The following FOXP2 variants were observed in gnomAD, a reference collection of about 807,000 sequenced individuals.
FOXP2 encodes the protein forkhead box protein P2.
In FOXP2, 12 loss-of-function variants were observed where a neutral mutation model predicts 115.8. The ratio of observed to expected loss-of-function variants is 0.10; its 90% CI spans 0.07 to 0.17. FOXP2 has a LOEUF of 0.17. Ranked by LOEUF, FOXP2 falls within the 10% of genes least tolerant of loss-of-function variation. The pLI is 1.00. For missense variants in FOXP2, 629 were observed against 843.5 expected (o/e 0.75, Z 3.15); for synonymous variants, 328 against 297.7 (o/e 1.10, Z -1.05).
At chr7:114,555,321 CT>C (rs1468228288) in intron 3 of FOXP2, among the ~76,000 whole-genome samples, 12 of 152,216 alleles carry the variant, frequency 7.9e-5, no homozygotes, top group African/African-American at 2.9e-4. Context: ...AACCATGTGC[CT>C]TTTACTCCTT....
chr7:114,126,986 C>A (rs1431534461), intron 1 of FOXP2, among the ~76,000 whole-genome samples: 4 of 152,160 alleles, frequency 2.6e-5, no homozygotes, highest in Non-Finnish European at 5.9e-5. Context: ...ATGGCTAGGA[C>A]CTCAGCCTCA....
intron 3 of FOXP2, among the ~76,000 whole-genome samples, chr7:114,538,059 A>G (rs1341455601): frequency 6.6e-6 from 1 of 151,692 alleles, no homozygotes; most frequent in Non-Finnish European, 1.5e-5. Context: ...ATAGTGATCC[A>G]TAATGAGGAA....
chr7:114,241,659 T>C (rs1023246129), intron 1 of FOXP2, among the ~76,000 whole-genome samples: 2 of 151,896 alleles, frequency 1.3e-5, no homozygotes, highest in African/African-American at 4.8e-5. Flanking sequence ...AACTCAAGGA[T>C]TATGAGAATT....
At chr7:114,372,725 T>A (rs1443419464) in intron 2 of FOXP2, among the ~76,000 whole-genome samples, 1 of 152,094 alleles carries the variant, frequency 6.6e-6, no homozygotes, top group Admixed American at 6.5e-5. Context: ...TTTTTTGGTT[T>A]TTTTGTTTTG....
chr7:114,475,558 G>T (rs1476132359), intron 2 of FOXP2, among the ~76,000 whole-genome samples: 2 of 151,990 alleles, frequency 1.3e-5, no homozygotes, highest in African/African-American at 4.8e-5. Context: ...GACCATAGGA[G>T]AAACTAAACG....
intron 7 of FOXP2, among the ~76,000 whole-genome samples, 182 bp downstream of exon 7, chr7:114,642,805 TA>T (rs1353336391): frequency 0.047 from 1,403 of 29,706 alleles, 26 homozygotes; most frequent in Non-Finnish European, 0.08. Flanking sequence ...TATATATATA[TA>T]TATATATTTT....
intron 1 of FOXP2, among the ~76,000 whole-genome samples, chr7:114,282,119 A>C (rs1373452356): frequency 6.6e-6 from 1 of 152,212 alleles, no homozygotes; most frequent in East Asian, 1.9e-4. Context: ...CAAAGATATT[A>C]GAAGGATAAT....
At chr7:114,688,353 C>T (rs1808485734) in intron 16 of FOXP2, among the ~76,000 whole-genome samples, 1 of 151,000 alleles carries the variant, frequency 6.6e-6, no homozygotes, top group African/African-American at 2.4e-5. Flanking sequence ...AAGGCTAAAG[C>T]AAAACAAAAC....
intron 2 of FOXP2, among the ~76,000 whole-genome samples, chr7:114,332,153 G>A (rs370112498): frequency 1.3e-5 from 2 of 152,134 alleles, no homozygotes; most frequent in Non-Finnish European, 2.9e-5. Context: ...CATGAGTAGG[G>A]GGTAATGTTT....
At chr7:114,482,438 C>G (rs1796599013) in intron 2 of FOXP2, among the ~76,000 whole-genome samples, 1 of 151,444 alleles carries the variant, frequency 6.6e-6, no homozygotes, top group African/African-American at 2.4e-5. Flanking sequence ...TTTTTTAAAT[C>G]AATTTGACCC....
At chr7:114,487,151 C>T (rs551590659) in intron 2 of FOXP2, among the ~76,000 whole-genome samples, 8 of 152,322 alleles carry the variant, frequency 5.3e-5, no homozygotes, top group South Asian at 2.1e-4. Flanking sequence ...CAGAAATTTG[C>T]GTACATCCTC....
chr7:114,411,034 C>G (rs1793150049), upstream of FOXP2, among the ~76,000 whole-genome samples: 1 of 151,886 alleles, frequency 6.6e-6, no homozygotes, highest in African/African-American at 2.4e-5. Context: ...GTGTTTGGGA[C>G]AGGAAGATAA....
intron 3 of FOXP2, among the ~76,000 whole-genome samples, chr7:114,553,768 T>TTTA (rs1253662802): frequency 6.6e-6 from 1 of 152,140 alleles, no homozygotes; most frequent in Non-Finnish European, 1.5e-5. Context: ...TAAAGTTCTG[T>TTTA]TTATTAAATT....
intron 2 of FOXP2, among the ~76,000 whole-genome samples, chr7:114,348,516 T>C (rs1273392695): frequency 6.6e-6 from 1 of 152,060 alleles, no homozygotes; most frequent in Non-Finnish European, 1.5e-5. Flanking sequence ...ATCTTCGTTT[T>C]TCCCAATTTT....
intron 2 of FOXP2, among the ~76,000 whole-genome samples, chr7:114,442,225 A>G (rs1241127550): frequency 6.6e-6 from 1 of 152,164 alleles, no homozygotes; most frequent in African/African-American, 2.4e-5. Context: ...GAGCCCAGCC[A>G]GATATTTTAT....
intron 2 of FOXP2, among the ~76,000 whole-genome samples, chr7:114,369,237 A>G (rs74700478): frequency 9.2e-5 from 14 of 152,300 alleles, no homozygotes; most frequent in East Asian, 3.9e-4. Flanking sequence ...GTCACATTCT[A>G]TTTGTCTAGC....
chr7:114,387,982 A>G (rs888380314), intron 2 of FOXP2, among the ~76,000 whole-genome samples: 3 of 152,146 alleles, frequency 2.0e-5, no homozygotes, highest in Non-Finnish European at 4.4e-5. Context: ...GTTTATCTTA[A>G]GGTTTCAGTC....
upstream of FOXP2, among the ~76,000 whole-genome samples, chr7:114,160,782 C>CTGTGTGTGTGTGTGTG (rs34540150): frequency 1.6e-3 from 229 of 147,358 alleles, no homozygotes; most frequent in African/African-American, 4.9e-3. Context: ...AGTATATTTT[C>CTGTGTGTGTGTGTGTG]TGTGTGTGTG....
intron 2 of FOXP2, among the ~76,000 whole-genome samples, chr7:114,441,094 A>T (rs1406344979): frequency 3.3e-5 from 5 of 152,148 alleles, no homozygotes; most frequent in Non-Finnish European, 7.4e-5. Context: ...TTTTTTATCC[A>T]TGTGTACATA....
Sources: allele counts gnomAD v4.1 joint callset (sites outside exome capture counted in the v4.1 genomes callset), GRCh38; gene constraint gnomAD v4.1.1; transcripts MANE v1.5; gene names NCBI Gene and HGNC (gene_info 2026-07-23, HGNC 2026-07-21).